Variants in FAAP100 observed in about 807,000 individuals in gnomAD.
FAAP100 encodes FA core complex associated protein 100, also known as Fanconi anemia core complex-associated protein 100.
Under a neutral mutation model 65.8 loss-of-function variants are expected in FAAP100, and 46 were observed. That is an observed-to-expected ratio of 0.70 (90% CI 0.55 to 0.89). FAAP100 has a LOEUF of 0.89. Ranked by LOEUF, FAAP100 falls within the 40% of genes least tolerant of loss-of-function variation. The pLI is 0.00. For synonymous variants in FAAP100, 663 were observed against 555.1 expected (o/e 1.19, Z -2.73); for missense variants, 1,165 against 1,196.7 (o/e 0.97, Z 0.39).
Position 81,547,668 on chromosome 17 carries a change from G to A in FAAP100, c.1414C>T (p.Leu472=), listed in dbSNP as rs760947244. 1.2e-6 allele frequency: 2 copies of A among 1,610,390 alleles called. No homozygotes were observed. Among genetic ancestry groups the A allele is most frequent in the Non-Finnish European group, 1.7e-6 (2 of 1,178,072 alleles). ...IGNISERVSF[L]KKAVDQRNKA... Reference sequence around the variant, plus strand: ...TTCCGCTGGTCAACCGCCTTCTTTAGAAAAGACACTCTGCGAAGGACAGAC... The same window carrying A: ...TTCCGCTGGTCAACCGCCTTCTTTAAAAAAGACACTCTGCGAAGGACAGAC... The change falls in exon 5 of 9, where the codon CTA becomes TTA. Residue 472 remains leucine, a synonymous_variant. Coordinates refer to ENST00000327787, the MANE Select transcript of FAAP100 (RefSeq NM_025161.6).
chr17:81,541,965 A>G (rs2033110458), intron 7 of FAAP100, among the ~76,000 whole-genome samples: 2 of 151,886 alleles, frequency 1.3e-5, no homozygotes, highest in African/African-American at 4.8e-5. Context: ...CAGGAGATCG[A>G]GACCATCCCG....
At chr17:81,541,465 G>T in intron 7 of FAAP100, 70 bp from the exon 8 acceptor site, 1 of 1,367,440 alleles carries the variant, frequency 7.3e-7, no homozygotes. Flanking sequence ...TTGGAGCAGG[G>T]TGACCCTCTC....
intron 7 of FAAP100, among the ~76,000 whole-genome samples, chr17:81,542,597 G>A (rs1471721246): frequency 2.0e-5 from 3 of 152,148 alleles, no homozygotes; most frequent in Non-Finnish European, 2.9e-5. Flanking sequence ...GGGACACTAA[G>A]GTCTGCAGCC....
chr17:81,540,625 C>G lies in FAAP100; in HGVS notation c.*194G>C. The G allele has an allele frequency of 1.4e-6, 1 of 718,748 alleles. No individual in the cohort carries two copies. 44.5% of individuals were successfully genotyped at this position (718,748 alleles called of 1,614,324 possible). A position where few individuals can be genotyped will look rare whatever the true frequency, so the allele number is the denominator to read the frequency against. On this transcript the variant is annotated 3_prime_UTR_variant, in exon 9 of 9. Coordinates refer to ENST00000327787, the MANE Select transcript of FAAP100 (RefSeq NM_025161.6). ...CCAGGTTCAGAGCCCGCCTCGGTTG[C>G]TCCCAATCAGAATCTGCTTTGTGCT... is the stretch of plus-strand genomic sequence containing the variant.
chr17:81,547,143 C>T lies in FAAP100; in HGVS notation c.1939G>A (p.Val647Met), dbSNP rs767287250. ...AAGCGCAGACACTGCAGCATGTCCA[C>T]TGTGTGCCTGCTCAGGGGCAGGCAA... ...GVCLPLSRHT[V>M]DMLQCLRFPG... is the part of the protein sequence containing the mutation. The change falls in exon 5 of 9, where the codon GTG (valine) becomes ATG (methionine). Residue 647 changes from valine (V) to methionine (M), a missense_variant. Coordinates refer to ENST00000327787, the MANE Select transcript of FAAP100 (RefSeq NM_025161.6). The T allele has an allele frequency of 2.6e-6, 4 of 1,537,256 alleles. No individual in the cohort carries two copies. Among genetic ancestry groups the T allele is most frequent in the Non-Finnish European group, 3.5e-6 (4 of 1,140,808 alleles).
At chr17:81,542,584 T>TG (rs1414453441) in intron 7 of FAAP100, among the ~76,000 whole-genome samples, 1 of 152,038 alleles carries the variant, frequency 6.6e-6, no homozygotes, top group East Asian at 1.9e-4. Flanking sequence ...ACCTAGCTGT[T>TG]GGGGGACACT....
At chr17:81,551,746 A>C (rs930120073) in intron 2 of FAAP100, 182 bp downstream of exon 2, 86 of 1,363,840 alleles carry the variant, frequency 6.3e-5, no homozygotes, top group Non-Finnish European at 7.9e-5. Context: ...GACTGTGAGC[A>C]AGACACTTGC....
chr17:81,540,720 C>G lies in FAAP100; in HGVS notation c.*99G>C. 1 of 1,380,340 alleles carries G rather than the reference C, an allele frequency of 7.2e-7. No individual in the cohort carries two copies. Among genetic ancestry groups the G allele is most frequent in the Non-Finnish European group, 9.4e-7 (1 of 1,061,770 alleles). The allele number at this position is 1,380,340 out of a possible 1,614,324, so 85.5% of individuals were successfully genotyped here. Reference sequence around the variant, plus strand: ...CCAGGTCCTACCTTCCCTGACGGCTCTGGCCAGGCCAGCTCGGTTTCCCTC... The same window carrying G: ...CCAGGTCCTACCTTCCCTGACGGCTGTGGCCAGGCCAGCTCGGTTTCCCTC... On this transcript the variant is annotated 3_prime_UTR_variant, in exon 9 of 9. Coordinates refer to ENST00000327787, the MANE Select transcript of FAAP100 (RefSeq NM_025161.6).
At chr17:81,544,166 C>T (rs750665328) in intron 6 of FAAP100, 46 bp from the exon 7 acceptor site, 21 of 1,498,750 alleles carry the variant, frequency 1.4e-5, no homozygotes, top group Middle Eastern at 1.7e-4. Context: ...GCACTCCCAC[C>T]TGCCCGGGGG....
chr17:81,552,408 C>A (rs1598602803), upstream of FAAP100: 2 of 1,224,028 alleles, frequency 1.6e-6, no homozygotes, highest in Non-Finnish European at 2.1e-6. Flanking sequence ...TACGGCAGCC[C>A]GCTGTGCGGC....
At chr17:81,541,861 G>A (rs1167851064) in intron 7 of FAAP100, among the ~76,000 whole-genome samples, 3 of 152,094 alleles carry the variant, frequency 2.0e-5, no homozygotes, top group Non-Finnish European at 4.4e-5. Flanking sequence ...CTGGCTCCCT[G>A]GGCTTGGATC....
rs1469988980 is a variant in FAAP100, at chr17:81,550,527, C to T, written c.967G>A (p.Ala323Thr). 10 of 1,612,850 alleles carry T rather than the reference C, an allele frequency of 6.2e-6. No homozygotes were observed. Among genetic ancestry groups the T allele is most frequent in the South Asian group, 5.5e-5 (5 of 91,090 alleles). The part of the protein sequence containing the change: ...VAFGHHGRML[A>T]IKASWDESGK... ...GACTCATCCCAGCTGGCCTTGATGG[C>T]CAGCATCCGGCCGTGGTGACCAAAG... The change falls in exon 3 of 9, where the codon GCC becomes ACC. Residue 323 changes from alanine (A) to threonine (T), a missense_variant. Coordinates refer to ENST00000327787, the MANE Select transcript of FAAP100 (RefSeq NM_025161.6).
upstream of FAAP100, chr17:81,552,363 C>A: frequency 1.5e-6 from 2 of 1,312,068 alleles, no homozygotes; most frequent in Non-Finnish European, 1.9e-6. Context: ...TGAGAAGCCC[C>A]GGCCGCGCGG....
chr17:81,545,368 A>C (rs2033261621), intron 6 of FAAP100, among the ~76,000 whole-genome samples: 3 of 152,246 alleles, frequency 2.0e-5, no homozygotes. Context: ...GCCATTTGCC[A>C]TTCAGCGGCT....
chr17:81,541,420 G>A, intron 7 of FAAP100, 25 bp from the exon 8 acceptor site: 1 of 1,571,952 alleles, frequency 6.4e-7, no homozygotes, highest in Non-Finnish European at 8.7e-7. Flanking sequence ...AGACATGCTG[G>A]AGAGGGTGTG....
At position 81,552,295 on chromosome 17, in the gene FAAP100, C is replaced by T. The variant is rs2033526045; in HGVS notation, c.36G>A (p.Ala12=). The T allele has an allele frequency of 6.9e-7, 1 of 1,443,014 alleles. No homozygotes were observed. Among genetic ancestry groups the T allele is most frequent in the Non-Finnish European group, 9.0e-7 (1 of 1,105,740 alleles). The allele number at this position is 1,443,014 out of a possible 1,614,324, so 89.4% of individuals were successfully genotyped here. ...AGAAPRVRYL[A]GFCCPLGGLA... ...GGCCCCCGAGAGGGCAGCAGAAGCC[C>T]GCCAGGTAGCGGACCCGCGGCGCGG... The change falls in exon 1 of 9, where the codon GCG becomes GCA. Residue 12 remains alanine, a synonymous_variant. Coordinates refer to ENST00000327787, the MANE Select transcript of FAAP100 (RefSeq NM_025161.6).
chr17:81,542,733 G>A (rs1327975133), intron 7 of FAAP100, among the ~76,000 whole-genome samples: 1 of 152,162 alleles, frequency 6.6e-6, no homozygotes, highest in Admixed American at 6.5e-5. Context: ...CTGGAAATGG[G>A]GTATCTGCAG....
Position 81,545,880 on chromosome 17 carries a change from C to T in FAAP100, c.2176G>A (p.Val726Met), listed in dbSNP as rs891148187. 7.5e-6 allele frequency: 12 copies of T among 1,605,152 alleles called. No homozygotes were observed. The highest frequency in any genetic ancestry group is 6.7e-5 in the Admixed American group (4 of 59,868). Residue 726 changes from valine (V) to methionine (M), a missense_variant and splice_region_variant, in exon 6 of 9, where the codon GTG becomes ATG. Physicochemically the swap from Val to Met is conservative, Grantham distance 21 (BLOSUM62 1). Coordinates refer to ENST00000327787, the MANE Select transcript of FAAP100 (RefSeq NM_025161.6). ...TGCAGGGTGGCACAGCACAGGGGCA[C>T]GCCTGGAGGGGAGGCATCAGCCGAG... ...RAALKDGHSG[V>M]PLCCATLQWL... is the part of the protein sequence containing the mutation.
Position 81,539,977 on chromosome 17 carries a change from G to C in FAAP100, c.*842C>G. ...TCATCGCGGACAGTGCCTGCAGCGG[G>C]AGCGGCGCGAGCACCCTCCCCAGAT... is the stretch of plus-strand genomic sequence containing the variant. On this transcript the variant is annotated 3_prime_UTR_variant, in exon 9 of 9. Transcript: ENST00000327787. 1 of 398,886 alleles carries C rather than the reference G, an allele frequency of 2.5e-6. No individual in the cohort carries two copies. Among genetic ancestry groups the C allele is most frequent in the Non-Finnish European group, 4.4e-6 (1 of 226,150 alleles). The allele number at this position is 398,886 out of a possible 1,614,324, so 24.7% of individuals were successfully genotyped here. A position where few individuals can be genotyped will look rare whatever the true frequency, so the allele number is the denominator to read the frequency against.
Sources: gnomAD v4.1 joint callset for allele counts (sites outside exome capture counted in the v4.1 genomes callset) on GRCh38, gnomAD v4.1.1 for gene constraint, MANE v1.5 for transcripts, NCBI Gene and HGNC (gene_info 2026-07-23, HGNC 2026-07-21) for gene names.